NAV1: variants seen among roughly 807,000 people sequenced by gnomAD.
The protein encoded by NAV1 is neuron navigator 1.
In NAV1, 18 loss-of-function variants were observed where a neutral mutation model predicts 175.2. The observed-to-expected ratio is 0.10, with a 90% confidence interval of 0.07 to 0.15. The LOEUF is 0.15. Ranked by LOEUF, NAV1 falls within the 10% of genes least tolerant of loss-of-function variation. The pLI is 1.00. For synonymous variants in NAV1, 897 were observed against 978.7 expected (o/e 0.92, Z 1.56); for missense variants, 1,731 against 2,436.6 (o/e 0.71, Z 6.10).
intron 3 of NAV1, among the ~76,000 whole-genome samples, chr1:201,766,960 T>C (rs1159024924): frequency 6.6e-6 from 1 of 151,692 alleles, no homozygotes; most frequent in Admixed American, 6.6e-5. Flanking sequence ...TAGCTGGGAT[T>C]ACAGGCACGC....
chr1:201,558,431 G>T (rs1666099455), intron 1 of NAV1, among the ~76,000 whole-genome samples: 1 of 152,140 alleles, frequency 6.6e-6, no homozygotes, highest in Non-Finnish European at 1.5e-5. Flanking sequence ...GACAAAATTT[G>T]TCTGGGATCT....
intron 2 of NAV1, among the ~76,000 whole-genome samples, chr1:201,717,279 C>T (rs1672178721): frequency 6.6e-6 from 1 of 152,226 alleles, no homozygotes; most frequent in African/African-American, 2.4e-5. Context: ...TCATGTCCAG[C>T]CACAGATTGC....
chr1:201,609,368 C>T (rs959070981), intron 2 of NAV1, among the ~76,000 whole-genome samples: 1 of 152,228 alleles, frequency 6.6e-6, no homozygotes, highest in African/African-American at 2.4e-5. Flanking sequence ...CTGTTCCAGG[C>T]AGGAAACCAG....
intron 1 of NAV1, among the ~76,000 whole-genome samples, chr1:201,683,565 C>T (rs624485): frequency 0.029 from 4,382 of 152,022 alleles, 112 homozygotes; most frequent in South Asian, 0.069. Context: ...GGGGCTCAGG[C>T]GGTCATGCTT....
At chr1:201,772,522 A>G (rs1675653311) in intron 3 of NAV1, among the ~76,000 whole-genome samples, 4 of 152,210 alleles carry the variant, frequency 2.6e-5, no homozygotes, top group African/African-American at 9.6e-5. Context: ...TGGATAAAGC[A>G]TTATGTTTAT....
intron 3 of NAV1, among the ~76,000 whole-genome samples, chr1:201,746,096 G>T (rs991019983): frequency 6.6e-6 from 1 of 152,076 alleles, no homozygotes; most frequent in African/African-American, 2.4e-5. Context: ...CCAAACTGCT[G>T]GGACTATGGG....
intron 2 of NAV1, among the ~76,000 whole-genome samples, chr1:201,597,371 AC>A (rs952756154): frequency 3.9e-5 from 6 of 152,216 alleles, no homozygotes; most frequent in African/African-American, 9.6e-5. Flanking sequence ...TTGGCCAAAT[AC>A]CCCCCTACAC....
chr1:201,784,445 A>G (rs1479995967), intron 7 of NAV1, among the ~76,000 whole-genome samples: 6 of 152,190 alleles, frequency 3.9e-5, no homozygotes, highest in South Asian at 2.1e-4. Flanking sequence ...GGCATGAGCC[A>G]CCACACCTGG....
chr1:201,616,182 C>T (rs917293902), intron 2 of NAV1, among the ~76,000 whole-genome samples: 9 of 152,108 alleles, frequency 5.9e-5, no homozygotes, highest in Admixed American at 2.0e-4. Flanking sequence ...TCAGAGGTTC[C>T]GCAATTTGCC....
intron 3 of NAV1, among the ~76,000 whole-genome samples, chr1:201,742,199 C>T (rs1673469230): frequency 6.6e-6 from 1 of 152,200 alleles, no homozygotes; most frequent in African/African-American, 2.4e-5. Flanking sequence ...CTGGGGAGGG[C>T]TCAAAACTTT....
In NAV1 at chr1:201,782,706, A is replaced by G. The variant is rs1676412222; in HGVS notation, c.2194A>G (p.Asn732Asp). The G allele has an allele frequency of 6.2e-7, 1 of 1,614,052 alleles. No homozygotes were observed. Among genetic ancestry groups the G allele is most frequent in the Admixed American group, 1.7e-5 (1 of 60,008 alleles). Residue 732 changes from asparagine (N) to aspartate (D), a missense_variant, in exon 6 of 30, where the codon AAT (asparagine) becomes GAT (aspartate). Asn to Asp is a conservative substitution (Grantham distance 23). Around this residue, in one of 13 missense-constraint regions of NAV1, gnomAD observed 634 missense variants for 766.8 expected, o/e 0.83. Coordinates refer to ENST00000367296, the Ensembl canonical transcript of NAV1. The surrounding 1 kb of genome is among the most constrained non-coding windows in gnomAD (Gnocchi z 5.4). ...TGGGCGGACCACTCCAGCCCCTGTCAATCAGACAGATCGGGAAAAGGAGAA... is the reference window on the plus strand; with the variant it reads ...TGGGCGGACCACTCCAGCCCCTGTCGATCAGACAGATCGGGAAAAGGAGAA...
intron 1 of NAV1, among the ~76,000 whole-genome samples, chr1:201,575,243 G>C (rs532164081): frequency 6.6e-6 from 1 of 152,342 alleles, no homozygotes; most frequent in African/African-American, 2.4e-5. Context: ...TAGAGAGAGA[G>C]AGATGTGTCT....
intron 1 of NAV1, among the ~76,000 whole-genome samples, chr1:201,625,595 C>G (rs554147512): frequency 1.3e-5 from 2 of 152,192 alleles, no homozygotes; most frequent in Non-Finnish European, 2.9e-5. Context: ...TTCTTTACTT[C>G]GATTCTGAAG....
At chr1:201,682,115 C>CAAA (rs34550001) in intron 1 of NAV1, among the ~76,000 whole-genome samples, 24 of 83,378 alleles carry the variant, frequency 2.9e-4, no homozygotes, top group Middle Eastern at 6.8e-3. Flanking sequence ...GACTCCATCT[C>CAAA]AAAAAAAAAA....
chr1:201,697,360 G>A (rs1671235010), intron 1 of NAV1, among the ~76,000 whole-genome samples: 2 of 152,220 alleles, frequency 1.3e-5, no homozygotes, highest in African/African-American at 2.4e-5. Context: ...TGATGGAGGA[G>A]CAGATGCTGT....
intron 1 of NAV1, among the ~76,000 whole-genome samples, chr1:201,663,509 A>G (rs1355595580): frequency 6.6e-6 from 1 of 152,134 alleles, no homozygotes; most frequent in African/African-American, 2.4e-5. Flanking sequence ...CCCGGGTTCA[A>G]TGAAACCACC....
intron 1 of NAV1, among the ~76,000 whole-genome samples, chr1:201,578,755 C>A (rs1291634664): frequency 6.6e-6 from 1 of 152,198 alleles, no homozygotes; most frequent in South Asian, 2.1e-4. Context: ...TTTCCTATGG[C>A]GTTTGGCTGG....
At chr1:201,804,296 C>T (rs534279543) in intron 16 of NAV1, among the ~76,000 whole-genome samples, 193 bp from the exon 21 acceptor site, 1 of 152,252 alleles carries the variant, frequency 6.6e-6, no homozygotes, top group South Asian at 2.1e-4. Context: ...ACTCTCAGCC[C>T]CTCTTGCTGA....
intron 7 of NAV1, among the ~76,000 whole-genome samples, chr1:201,784,405 A>G (rs778971778): frequency 5.3e-5 from 8 of 151,998 alleles, no homozygotes; most frequent in Non-Finnish European, 7.4e-5. Context: ...TGATCTGCCT[A>G]CATCAGCTTC....
Sources: gnomAD v4.1 joint callset for allele counts (sites outside exome capture counted in the v4.1 genomes callset) on GRCh38, gnomAD v4.1.1 for gene constraint, gnomAD v4.1.1 regional missense constraint, Gnocchi (gnomAD v3.1) non-coding constraint, MANE v1.5 for transcripts, NCBI Gene and HGNC (gene_info 2026-07-23, HGNC 2026-07-21) for gene names.